SNX7: variants seen among roughly 807,000 people sequenced by gnomAD.
The protein encoded by SNX7 is sorting nexin-7.
A neutral mutation model predicts 48.4 loss-of-function variants in SNX7; 35 were observed. That is an observed-to-expected ratio of 0.72 (90% confidence interval 0.55 to 0.96). The LOEUF (loss-of-function observed/expected upper bound fraction) is 0.96. Ranked by LOEUF, SNX7 falls within the 40% of genes least tolerant of loss-of-function variation. SNX7 has a pLI of 0.00. For synonymous variants in SNX7, 190 were observed against 190.2 expected, an observed-to-expected ratio of 1.00 and a Z score of 0.01; for missense variants, 553 against 548.9, an observed-to-expected ratio of 1.01 and a Z score of -0.07.
At chr1:98,681,806 T>C (rs1557793407) in intron 1 of SNX7, among the ~76,000 whole-genome samples, 1 of 152,198 alleles carries the variant, frequency 6.6e-6, no homozygotes, top group Non-Finnish European at 1.5e-5. Flanking sequence ...TTGTATTGCG[T>C]CAGTGCTAAT....
chr1:98,694,333 G>A (rs1393024027), intron 4 of SNX7, among the ~76,000 whole-genome samples: 1 of 147,776 alleles, frequency 6.8e-6, no homozygotes, highest in Non-Finnish European at 1.5e-5. Flanking sequence ...TTGTGCCACT[G>A]CAGTCCAGCC....
intron 7 of SNX7, among the ~76,000 whole-genome samples, chr1:98,716,182 C>T (rs4907995): frequency 0.94 from 143,182 of 152,124 alleles, 67,744 homozygotes; most frequent in Non-Finnish European, 0.99. Context: ...GGTGGCACTT[C>T]CCACTCCACT....
intron 7 of SNX7, among the ~76,000 whole-genome samples, chr1:98,712,322 C>G (rs4294439): frequency 3.3e-4 from 50 of 152,008 alleles, no homozygotes; most frequent in African/African-American, 1.2e-3. Flanking sequence ...GCAGCTACAG[C>G]CTGACAAAAT....
intron 8 of SNX7, 91 bp downstream of exon 8, chr1:98,738,480 C>T (rs1653908140): frequency 1.6e-6 from 2 of 1,253,978 alleles, no homozygotes; most frequent in South Asian, 1.4e-5. Flanking sequence ...TATTAAAGAA[C>T]AAGTGTCACA....
At chr1:98,730,802 G>C (rs1327158284) in intron 7 of SNX7, among the ~76,000 whole-genome samples, 1 of 152,088 alleles carries the variant, frequency 6.6e-6, no homozygotes, top group Non-Finnish European at 1.5e-5. Context: ...GAAAGAATCA[G>C]TATTGTGAAA....
intron 2 of SNX7, among the ~76,000 whole-genome samples, chr1:98,690,447 G>T (rs1330842337): frequency 1.3e-5 from 2 of 151,930 alleles, no homozygotes; most frequent in Non-Finnish European, 2.9e-5. Context: ...TAGGAGTTTA[G>T]GCATATAACC....
At chr1:98,684,499 C>G (rs1650676092) in intron 1 of SNX7, among the ~76,000 whole-genome samples, 1 of 152,118 alleles carries the variant, frequency 6.6e-6, no homozygotes, top group South Asian at 2.1e-4. Flanking sequence ...CTAGCTCGTT[C>G]CCTACAGCCC....
At chr1:98,677,347 G>C (rs532618497) in intron 1 of SNX7, 66 of 152,292 alleles carry the variant, frequency 4.3e-4, no homozygotes, top group African/African-American at 1.6e-3. Flanking sequence ...GTTGCCAATT[G>C]AAATTGAAGC....
At chr1:98,662,745 C>G in intron 1 of SNX7, 1 of 1,289,312 alleles carries the variant, frequency 7.8e-7, no homozygotes, top group Non-Finnish European at 1.0e-6. Context: ...GAGAGAAGAC[C>G]TGAGTTCAGA....
At chr1:98,688,187 G>A (rs1650907915) in intron 2 of SNX7, among the ~76,000 whole-genome samples, 1 of 152,086 alleles carries the variant, frequency 6.6e-6, no homozygotes, top group African/African-American at 2.4e-5. Context: ...ATATTCATGG[G>A]TACTAAGGAT....
chr1:98,729,364 A>G (rs751885868), intron 7 of SNX7, among the ~76,000 whole-genome samples: 13 of 152,158 alleles, frequency 8.5e-5, no homozygotes, highest in Non-Finnish European at 1.6e-4. Context: ...CATCTCAACT[A>G]AAAGAACCAG....
intron 4 of SNX7, among the ~76,000 whole-genome samples, chr1:98,694,775 T>C (rs1324325843): frequency 6.6e-6 from 1 of 151,106 alleles, no homozygotes; most frequent in Admixed American, 6.6e-5. Flanking sequence ...GCCAGGCTAA[T>C]TTTTTTGTAT....
At chr1:98,673,168 A>T (rs1360030980) in intron 1 of SNX7, among the ~76,000 whole-genome samples, 1 of 152,214 alleles carries the variant, frequency 6.6e-6, no homozygotes, top group African/African-American at 2.4e-5. Context: ...GATAAAATGT[A>T]TGAATACTTG....
chr1:98,750,005 T>A (rs1654504978), intron 8 of SNX7, among the ~76,000 whole-genome samples: 1 of 152,026 alleles, frequency 6.6e-6, no homozygotes, highest in Non-Finnish European at 1.5e-5. Context: ...AAGTTGCTTT[T>A]TGATTAGAGG....
At chr1:98,678,001 G>A (rs1214461002) in intron 1 of SNX7, among the ~76,000 whole-genome samples, 10 of 151,644 alleles carry the variant, frequency 6.6e-5, no homozygotes, top group South Asian at 2.1e-4. Context: ...GTGTGTGTGT[G>A]TGTGTGTGTG....
intron 4 of SNX7, among the ~76,000 whole-genome samples, chr1:98,694,726 G>A (rs1455877195): frequency 1.4e-5 from 2 of 143,656 alleles, no homozygotes; most frequent in Non-Finnish European, 3.0e-5. Context: ...TCCTGCCTCA[G>A]CCTCCCAAGT....
At chr1:98,754,844 T>C (rs1236798668) in intron 8 of SNX7, among the ~76,000 whole-genome samples, 2 of 152,128 alleles carry the variant, frequency 1.3e-5, no homozygotes, top group African/African-American at 4.8e-5. Context: ...TTTGTTTTTT[T>C]TTCTTCTGCA....
At position 98,684,978 on chromosome 1, in the gene SNX7, G is replaced by T; in HGVS notation, c.274G>T (p.Asp92Tyr). Residue 92 changes from aspartate to tyrosine, a missense_variant, in exon 2 of 9, where the codon GAT becomes TAT. Coordinates refer to ENST00000306121, the MANE Select transcript of SNX7 (RefSeq NM_015976.5). Reference sequence around the variant, plus strand: ...CCAAATCAAGTTTGAGGATGAACCAGATTTAAAGGATCTCTTCATCACAGT... The same window carrying T: ...CCAAATCAAGTTTGAGGATGAACCATATTTAAAGGATCTCTTCATCACAGT... ...INQIKFEDEP[D>Y]LKDLFITVDE... The T allele has an allele frequency of 6.3e-7, 1 of 1,598,150 alleles. No individual in the cohort carries two copies. Among genetic ancestry groups the T allele is most frequent in the South Asian group, 1.2e-5 (1 of 86,790 alleles).
intron 7 of SNX7, among the ~76,000 whole-genome samples, chr1:98,727,771 G>A (rs9662155): frequency 0.55 from 83,868 of 151,430 alleles, 24,229 homozygotes; most frequent in Non-Finnish European, 0.64. Flanking sequence ...TAGACCAAGC[G>A]GAGGAAAGGA....
Sources: allele counts gnomAD v4.1 joint callset (sites outside exome capture counted in the v4.1 genomes callset), GRCh38; gene constraint gnomAD v4.1.1; transcripts MANE v1.5; gene names NCBI Gene and HGNC (gene_info 2026-07-23, HGNC 2026-07-21).